The following CNBD1 variants were observed in gnomAD, a reference collection of about 807,000 sequenced individuals.
CNBD1 encodes cyclic nucleotide binding domain containing 1, also known as cyclic nucleotide-binding domain-containing protein 1.
Under a neutral mutation model 54.4 loss-of-function variants are expected in CNBD1, and 71 were observed. The ratio of observed to expected loss-of-function variants is 1.30; its 90% CI spans 1.08 to 1.59. CNBD1 has a LOEUF of 1.59. Among genes scored for constraint, CNBD1 ranks in the 40% most tolerant of loss-of-function variants. The pLI is 0.00. For missense variants in CNBD1, 659 were observed against 518.0 expected (o/e 1.27, Z -2.64); for synonymous variants, 182 against 170.7 (o/e 1.07, Z -0.51).
intron 8 of CNBD1, among the ~76,000 whole-genome samples, chr8:87,316,303 A>T (rs947518814): frequency 1.2e-4 from 18 of 152,044 alleles, no homozygotes; most frequent in African/African-American, 4.3e-4. Flanking sequence ...TTCTAAAAGG[A>T]ACAAAAATTC....
At chr8:86,956,959 T>A (rs1251987369) in intron 4 of CNBD1, among the ~76,000 whole-genome samples, 1 of 152,216 alleles carries the variant, frequency 6.6e-6, no homozygotes, top group Non-Finnish European at 1.5e-5. Context: ...TGATATTGGC[T>A]GTGGGTCTGT....
At chr8:86,910,946 G>A (rs923036062) in intron 3 of CNBD1, among the ~76,000 whole-genome samples, 6 of 152,160 alleles carry the variant, frequency 3.9e-5, no homozygotes, top group Admixed American at 2.0e-4. Flanking sequence ...AAAATTGGTC[G>A]GATCAGGTAT....
intron 4 of CNBD1, among the ~76,000 whole-genome samples, chr8:87,062,663 G>A (rs1810569169): frequency 6.6e-6 from 1 of 151,902 alleles, no homozygotes; most frequent in African/African-American, 2.4e-5. Flanking sequence ...CCTTGAACTC[G>A]GGAGGCAGCG....
At chr8:87,408,877 C>A (rs1210901691) in intron 2 of CNBD1, among the ~76,000 whole-genome samples, 1 of 151,984 alleles carries the variant, frequency 6.6e-6, no homozygotes, top group Non-Finnish European at 1.5e-5. Flanking sequence ...AGACTGCAAA[C>A]CTAATCAATA....
chr8:86,908,567 T>A (rs1809052639), intron 3 of CNBD1, among the ~76,000 whole-genome samples: 1 of 152,194 alleles, frequency 6.6e-6, no homozygotes, highest in South Asian at 2.1e-4. Flanking sequence ...TTCATTATTA[T>A]CATGCACTAT....
downstream of CNBD1, among the ~76,000 whole-genome samples, chr8:87,386,135 A>G (rs1811182003): frequency 6.6e-6 from 1 of 152,270 alleles, no homozygotes; most frequent in Admixed American, 6.5e-5. Flanking sequence ...TCAAAGACCA[A>G]AAGTAGATAA....
chr8:86,925,665 G>A (rs188564933), intron 3 of CNBD1, among the ~76,000 whole-genome samples: 2 of 150,724 alleles, frequency 1.3e-5, no homozygotes, highest in South Asian at 2.1e-4. Context: ...TGGATCACTC[G>A]AGGTCATGAG....
chr8:87,295,433 C>T (rs1013664085), intron 8 of CNBD1, among the ~76,000 whole-genome samples: 4 of 151,184 alleles, frequency 2.6e-5, no homozygotes, highest in East Asian at 1.9e-4. Context: ...AATAATTATC[C>T]AGCTGCTAGA....
At chr8:87,389,480 A>G (rs1199678372) in intron 2 of CNBD1, among the ~76,000 whole-genome samples, 2 of 152,218 alleles carry the variant, frequency 1.3e-5, no homozygotes, top group Non-Finnish European at 2.9e-5. Flanking sequence ...GAGCCAAATC[A>G]TGAGTGAACT....
chr8:87,328,049 A>G (rs1426053688), intron 8 of CNBD1, among the ~76,000 whole-genome samples: 1 of 151,994 alleles, frequency 6.6e-6, no homozygotes, highest in East Asian at 1.9e-4. Context: ...TATATATACC[A>G]TGGTGGTTTG....
chr8:87,383,080 A>T (rs1229915329), downstream of CNBD1, among the ~76,000 whole-genome samples: 3 of 152,046 alleles, frequency 2.0e-5, no homozygotes, highest in African/African-American at 7.2e-5. Context: ...AGGCAAAAAG[A>T]CATTGAATAG....
At chr8:87,369,178 A>C (rs1429143193) in intron 10 of CNBD1, among the ~76,000 whole-genome samples, 2 of 151,952 alleles carry the variant, frequency 1.3e-5, no homozygotes. Flanking sequence ...ATGGCCTTCA[A>C]TGTTCACATG....
rs1288150355 is a variant in CNBD1, at chr8:87,256,006, TATA to T, written c.771+18895_771+18897del. On this transcript the variant is annotated intron_variant, in intron 6 of 10. Coordinates refer to ENST00000518476, the MANE Select transcript of CNBD1 (RefSeq NM_173538.3). Reference sequence around the variant, plus strand: ...ATATATATATATATATATATATATATATATATATATTTTTTTTTTTTTTTTTTT... The same window carrying T: ...ATATATATATATATATATATATATATTATATATTTTTTTTTTTTTTTTTTT... Among the ~76,000 whole-genome samples, 86 of 20,652 alleles carry T rather than the reference TATA, an allele frequency of 4.2e-3. 2 individuals are homozygous for T. The highest frequency in any genetic ancestry group is 4.7e-3 in the Non-Finnish European group (58 of 12,468). The allele number at this position is 20,652 out of a possible 152,430, so 13.5% of individuals were successfully genotyped here.
chr8:87,316,953 T>C (rs1809398867), intron 8 of CNBD1, among the ~76,000 whole-genome samples: 1 of 151,818 alleles, frequency 6.6e-6, no homozygotes, highest in Non-Finnish European at 1.5e-5. Context: ...AGTACTCAAG[T>C]TTGAAGTCTA....
chr8:87,119,220 G>A (rs934086790), intron 4 of CNBD1, among the ~76,000 whole-genome samples: 4 of 151,924 alleles, frequency 2.6e-5, no homozygotes, highest in East Asian at 1.9e-4. Flanking sequence ...CATGACCATC[G>A]GATGTTTTTC....
intron 4 of CNBD1, among the ~76,000 whole-genome samples, chr8:87,123,751 A>G (rs963632696): frequency 2.6e-5 from 4 of 151,730 alleles, no homozygotes; most frequent in African/African-American, 7.2e-5. Context: ...AAGGTAAACA[A>G]TATGGACAAA....
chr8:86,932,752 G>A (rs1034778766), intron 3 of CNBD1, among the ~76,000 whole-genome samples: 2 of 152,000 alleles, frequency 1.3e-5, no homozygotes, highest in Non-Finnish European at 2.9e-5. Context: ...TGTTCCCAAT[G>A]GATTCATTTC....
intron 4 of CNBD1, among the ~76,000 whole-genome samples, chr8:87,019,597 G>T (rs1293960265): frequency 6.6e-6 from 1 of 152,128 alleles, no homozygotes; most frequent in Non-Finnish European, 1.5e-5. Context: ...ATTAAATTTG[G>T]CTGGGTGCGG....
intron 4 of CNBD1, among the ~76,000 whole-genome samples, chr8:87,054,776 C>T (rs539651732): frequency 6.6e-6 from 1 of 152,256 alleles, no homozygotes; most frequent in South Asian, 2.1e-4. Context: ...GACCTCCTTC[C>T]AGCCCCATGC....
Sources: gnomAD v4.1 joint callset for allele counts (sites outside exome capture counted in the v4.1 genomes callset) on GRCh38, gnomAD v4.1.1 for gene constraint, MANE v1.5 for transcripts, NCBI Gene and HGNC (gene_info 2026-07-23, HGNC 2026-07-21) for gene names.